ARHGAP12: variants seen among roughly 807,000 people sequenced by gnomAD.
ARHGAP12 encodes the protein Rho GTPase activating protein 12.
In ARHGAP12, 64 loss-of-function variants were observed where a neutral mutation model predicts 108.6. That is an observed-to-expected ratio of 0.59 (90% CI 0.48 to 0.73). The LOEUF (loss-of-function observed/expected upper bound fraction) is 0.73, where lower values mean the gene tolerates loss of function less well. ARHGAP12 is among the 30% of genes least tolerant of loss of function. The pLI is 0.00. For missense variants in ARHGAP12, 940 were observed against 1,005.9 expected (o/e 0.93, Z 0.89); for synonymous variants, 312 against 337.2 (o/e 0.93, Z 0.82).
rs1837536975 is a variant in ARHGAP12, at chr10:31,871,359, A to AT, written c.685-9702dup. ...TGCCTTACTGATTTTTTTTCAGGTGATTTTCTAGTTATTGAAACTCAGAGG... is the reference window on the plus strand; with the variant it reads ...TGCCTTACTGATTTTTTTTCAGGTGATTTTTCTAGTTATTGAAACTCAGAGG... On this transcript the variant is annotated intron_variant, in intron 3 of 19. Coordinates refer to ENST00000344936, the MANE Select transcript of ARHGAP12 (RefSeq NM_018287.7). Among the ~76,000 whole-genome samples, 3 of 151,854 alleles carry AT rather than the reference A, an allele frequency of 2.0e-5. No homozygotes were observed. In the East Asian group the frequency reaches 5.8e-4, roughly 29 times the overall value.
intron 10 of ARHGAP12, among the ~76,000 whole-genome samples, chr10:31,830,626 C>CA (rs1425251913): frequency 4.6e-5 from 7 of 151,738 alleles, no homozygotes. Context: ...AAAGCAAACC[C>CA]AAAAAACTCA....
rs528246332 is a variant in ARHGAP12 at position 31,921,541 on chromosome 10, G to A, written c.-111+7142C>T. Among the ~76,000 whole-genome samples, 27 of 151,580 alleles carry A rather than the reference G, an allele frequency of 1.8e-4. No homozygotes were observed. In the East Asian group the frequency reaches 3.7e-3, roughly 21 times the overall value. On this transcript the variant is annotated intron_variant, in intron 1 of 19. Coordinates refer to ENST00000344936, the MANE Select transcript of ARHGAP12 (RefSeq NM_018287.7). ...AGCACTTTGGGAGGCAGAGTCGGGC[G>A]GATAATGAGGTCAGGAGTTCGATAC...
intron 15 of ARHGAP12, 157 bp downstream of exon 15, chr10:31,812,550 C>T (rs1419671809): frequency 4.2e-6 from 2 of 473,660 alleles, no homozygotes; most frequent in Non-Finnish European, 7.2e-6. Context: ...TTCAAAAAAA[C>T]TATTTTAATT....
At position 31,816,331 on chromosome 10, in the gene ARHGAP12, C is replaced by CAAGT. The variant is rs1381777423; in HGVS notation, c.1731+1456_1731+1457insACTT. Among the ~76,000 whole-genome samples the CAAGT allele has an allele frequency of 5.3e-5, 8 of 152,068 alleles. No homozygotes were observed. In the East Asian group the frequency reaches 1.4e-3, roughly 26 times the overall value. ...CCCTAACTAATACACTAGGTTTGCCCCTACTTAATTGGTGTTTTTACAGAA... is the reference window on the plus strand; with the variant it reads ...CCCTAACTAATACACTAGGTTTGCCCAAGTCTACTTAATTGGTGTTTTTACAGAA... On this transcript the variant is annotated intron_variant, in intron 13 of 19. Transcript: ENST00000344936.
At chr10:31,821,981 T>C (rs1026154227) in intron 11 of ARHGAP12, among the ~76,000 whole-genome samples, 1 of 152,142 alleles carries the variant, frequency 6.6e-6, no homozygotes, top group African/African-American at 2.4e-5. Context: ...ATTGTCATCA[T>C]ACACGCTGTA....
intron 1 of ARHGAP12, among the ~76,000 whole-genome samples, chr10:31,915,743 T>G (rs1374526698): frequency 6.6e-6 from 1 of 152,092 alleles, no homozygotes; most frequent in Non-Finnish European, 1.5e-5. Flanking sequence ...GTGCTGAGAA[T>G]GTGGAAATGG....
At chr10:31,835,145 C>T (rs1835964945) in intron 9 of ARHGAP12, among the ~76,000 whole-genome samples, 1 of 151,178 alleles carries the variant, frequency 6.6e-6, no homozygotes, top group Non-Finnish European at 1.5e-5. Context: ...TTGCAGTGAG[C>T]CGAGATCGCG....
Position 31,908,295 on chromosome 10 carries a change from A to T in ARHGAP12, c.561T>A (p.Asp187Glu). 1 of 1,614,128 alleles carries T rather than the reference A, an allele frequency of 6.2e-7. No individual in the cohort carries two copies. Among genetic ancestry groups the T allele is most frequent in the Non-Finnish European group, 8.5e-7 (1 of 1,180,012 alleles). Residue 187 changes from aspartate to glutamate, a missense_variant, in exon 3 of 20, where the codon GAT becomes GAA. By Grantham distance (45) the Asp-to-Glu change is conservative. Coordinates refer to ENST00000344936, the MANE Select transcript of ARHGAP12 (RefSeq NM_018287.7). ...FGHFPGPEFL[D>E]VEKTSFSQEQ... ...CCTGGGAGAAGCTAGTTTTCTCTACATCCAAGAACTCTGGACCGGGAAAAT... is the reference window on the plus strand; with the variant it reads ...CCTGGGAGAAGCTAGTTTTCTCTACTTCCAAGAACTCTGGACCGGGAAAAT...
chr10:31,855,900 A>C (rs78122667), intron 4 of ARHGAP12, among the ~76,000 whole-genome samples: 1 of 152,208 alleles, frequency 6.6e-6, no homozygotes, highest in Admixed American at 6.5e-5. Flanking sequence ...TAAGATCTGG[A>C]TATCTTCCAC....
intron 6 of ARHGAP12, among the ~76,000 whole-genome samples, chr10:31,851,673 C>T (rs2132279721): frequency 6.6e-6 from 1 of 152,104 alleles, no homozygotes; most frequent in East Asian, 1.9e-4. Flanking sequence ...AAGAAGAAAG[C>T]ACTATTAACA....
At chr10:31,823,640 A>G (rs1015352252) in intron 11 of ARHGAP12, among the ~76,000 whole-genome samples, 12 of 152,138 alleles carry the variant, frequency 7.9e-5, no homozygotes, top group Admixed American at 5.2e-4. Flanking sequence ...TTTTTGTACT[A>G]AGTGTGAATC....
At chr10:31,907,960 T>C (rs1839204162) in intron 3 of ARHGAP12, among the ~76,000 whole-genome samples, 1 of 152,208 alleles carries the variant, frequency 6.6e-6, no homozygotes, top group South Asian at 2.1e-4. Flanking sequence ...CCTGTCATGG[T>C]ATAAGAATAA....
chr10:31,839,264 A>C (rs758273587), intron 9 of ARHGAP12, 41 bp downstream of exon 9: 1 of 1,569,512 alleles, frequency 6.4e-7, no homozygotes. Flanking sequence ...TAGAAAATGA[A>C]GGTGTCTATG....
At chr10:31,811,354 C>A (rs940568807) in intron 15 of ARHGAP12, among the ~76,000 whole-genome samples, 9 of 152,186 alleles carry the variant, frequency 5.9e-5, no homozygotes, top group Non-Finnish European at 1.3e-4. Context: ...TCACAAAATA[C>A]ATTTCAAATA....
At chr10:31,869,033 T>C (rs1837440223) in intron 3 of ARHGAP12, among the ~76,000 whole-genome samples, 1 of 152,174 alleles carries the variant, frequency 6.6e-6, no homozygotes, top group Non-Finnish European at 1.5e-5. Context: ...TACATTTGTA[T>C]TACAAAAACA....
At chr10:31,877,362 A>C (rs1837769894) in intron 3 of ARHGAP12, among the ~76,000 whole-genome samples, 2 of 152,230 alleles carry the variant, frequency 1.3e-5, no homozygotes, top group Non-Finnish European at 1.5e-5. Flanking sequence ...TAACTATACT[A>C]TTATAAAGTA....
At position 31,829,517 on chromosome 10, in the gene ARHGAP12, AAGT is replaced by A. The variant is rs1364977207; in HGVS notation, c.1448+2219_1448+2221del. ...AAAAAAATTGAAGCTTTCAAACAGAAAGTAGAACTTTGGAACACCTGGCATCTG... is the reference window on the plus strand; with the variant it reads ...AAAAAAATTGAAGCTTTCAAACAGAAAGAACTTTGGAACACCTGGCATCTG... On this transcript the variant is annotated intron_variant, in intron 10 of 19. Transcript: ENST00000344936. Among the ~76,000 whole-genome samples, 5 of 152,220 alleles carry A rather than the reference AAGT, an allele frequency of 3.3e-5. No individual in the cohort carries two copies. In the East Asian group the frequency reaches 9.6e-4, roughly 29 times the overall value.
At chr10:31,815,925 A>T (rs1835185135) in intron 13 of ARHGAP12, among the ~76,000 whole-genome samples, 1 of 152,094 alleles carries the variant, frequency 6.6e-6, no homozygotes, top group South Asian at 2.1e-4. Flanking sequence ...CAAGGCTGGC[A>T]GATCACTTGA....
chr10:31,867,600 G>A (rs1312099294), intron 3 of ARHGAP12, among the ~76,000 whole-genome samples: 1 of 152,160 alleles, frequency 6.6e-6, no homozygotes, highest in Non-Finnish European at 1.5e-5. Context: ...GCTGGTGAAG[G>A]TGGGATGTAA....
Sources: allele counts gnomAD v4.1 joint callset (sites outside exome capture counted in the v4.1 genomes callset), GRCh38; gene constraint gnomAD v4.1.1; transcripts MANE v1.5; gene names NCBI Gene and HGNC (gene_info 2026-07-23, HGNC 2026-07-21).